CAMTA1: variants seen among roughly 807,000 people sequenced by gnomAD.
The protein encoded by CAMTA1 is calmodulin binding transcription activator 1.
CAMTA1 carries 27 observed loss-of-function variants against 170.9 expected under a neutral mutation model. The observed-to-expected ratio is 0.16, with a 90% CI of 0.12 to 0.22. The LOEUF (loss-of-function observed/expected upper bound fraction) is 0.22. Among genes scored for constraint, CAMTA1 ranks in the 10% least tolerant of loss-of-function variants. The pLI, the probability that CAMTA1 is intolerant of heterozygous loss-of-function variation, is 1.00. For missense variants in CAMTA1, 1,619 were observed against 2,217.2 expected (o/e 0.73, Z 5.42); for synonymous variants, 833 against 891.5 (o/e 0.93, Z 1.17).
intron 3 of CAMTA1, among the ~76,000 whole-genome samples, chr1:7,011,675 C>A (rs6686954): frequency 1 from 151,875 of 152,266 alleles, 75,746 homozygotes; most frequent in Middle Eastern, 1. Flanking sequence ...ATCACAGTTT[C>A]TAGCTATTTT....
intron 4 of CAMTA1, among the ~76,000 whole-genome samples, chr1:7,247,262 A>G (rs1665962184): frequency 6.6e-6 from 1 of 152,246 alleles, no homozygotes; most frequent in African/African-American, 2.4e-5. Flanking sequence ...TCAGAATGCC[A>G]AAGGGCGGGT....
chr1:6,799,112 G>A (rs764088565), intron 1 of CAMTA1, among the ~76,000 whole-genome samples: 3 of 152,038 alleles, frequency 2.0e-5, no homozygotes, highest in Non-Finnish European at 2.9e-5. Flanking sequence ...GTCTTGATCT[G>A]TCACCCAGGC....
rs140410409 is a variant in CAMTA1 at position 7,295,342 on chromosome 1, G to A, written c.438+45716G>A. On this transcript the variant is annotated intron_variant, in intron 5 of 22. Coordinates refer to ENST00000303635, the MANE Select transcript of CAMTA1 (RefSeq NM_015215.4). ...GTGATCTTTCACTCAGTGCCCCGGG[G>A]TTGAGAACTAAACCCCTCTACTCAT... Among the ~76,000 whole-genome samples, 5 of 152,302 alleles carry A rather than the reference G, an allele frequency of 3.3e-5. No individual in the cohort carries two copies. The East Asian group carries it at 7.7e-4, about 24-fold the overall frequency.
intron 3 of CAMTA1, among the ~76,000 whole-genome samples, chr1:6,911,798 CAT>C: frequency 6.6e-6 from 1 of 152,318 alleles, no homozygotes. Context: ...GTGATTCCCT[CAT>C]GTGTTTCCTC....
intron 4 of CAMTA1, among the ~76,000 whole-genome samples, chr1:7,157,109 T>C (rs959009002): frequency 3.3e-5 from 5 of 151,956 alleles, no homozygotes; most frequent in Non-Finnish European, 5.9e-5. Flanking sequence ...TTTGGGAGGC[T>C]GAGGTGGGCA....
At chr1:7,183,143 G>T (rs985796310) in intron 4 of CAMTA1, among the ~76,000 whole-genome samples, 2 of 152,206 alleles carry the variant, frequency 1.3e-5, no homozygotes, top group Admixed American at 6.5e-5. Flanking sequence ...AAGACCTCAG[G>T]AAACTTTTAA....
intron 6 of CAMTA1, among the ~76,000 whole-genome samples, chr1:7,589,173 G>C (rs1303996382): frequency 3.3e-5 from 5 of 152,180 alleles, no homozygotes; most frequent in Non-Finnish European, 5.9e-5. Context: ...ACAGGGTCAG[G>C]GTGTTGTGGT....
At chr1:6,802,774 G>A (rs1322654090) in intron 1 of CAMTA1, among the ~76,000 whole-genome samples, 1 of 150,406 alleles carries the variant, frequency 6.6e-6, no homozygotes, top group South Asian at 2.1e-4. Flanking sequence ...TTATTCTGTC[G>A]CCCAGGCTGG....
chr1:7,601,786 C>T (rs563708689), intron 6 of CAMTA1, among the ~76,000 whole-genome samples: 51 of 152,306 alleles, frequency 3.3e-4, no homozygotes, highest in African/African-American at 8.2e-4. Context: ...CAAAAAAATA[C>T]GAAAACCAGT....
chr1:6,869,258 A>G (rs991075927), intron 3 of CAMTA1, among the ~76,000 whole-genome samples: 1 of 152,212 alleles, frequency 6.6e-6, no homozygotes, highest in African/African-American at 2.4e-5. Context: ...GGGCAGGAAG[A>G]CAGGAGGTTC....
At chr1:6,973,146 C>T (rs1039971714) in intron 3 of CAMTA1, among the ~76,000 whole-genome samples, 2 of 152,236 alleles carry the variant, frequency 1.3e-5, no homozygotes, top group African/African-American at 4.8e-5. Flanking sequence ...GCCACCACGC[C>T]TAGCCGTCTG....
rs1003937078 is a variant in CAMTA1 at position 7,146,254 on chromosome 1, C to T, written c.302+54883C>T. Among the ~76,000 whole-genome samples the T allele has an allele frequency of 1.3e-5, 2 of 152,114 alleles. No homozygotes were observed. The highest frequency in any genetic ancestry group is 2.4e-5 in the African/African-American group (1 of 41,434). On this transcript the variant is annotated intron_variant, in intron 4 of 22. Transcript: ENST00000303635. The surrounding 1 kb of genome is among the most constrained non-coding windows in gnomAD (Gnocchi z 4.3). ...AGCAGGAGCTTGGCAGCCCCTGAAC[C>T]CGGTGCCTGCTCATGAGCCAGTCTC...
intron 3 of CAMTA1, among the ~76,000 whole-genome samples, chr1:6,830,101 A>C (rs1358354394): frequency 6.6e-6 from 1 of 150,558 alleles, no homozygotes; most frequent in Non-Finnish European, 1.5e-5. Context: ...CAGTGGCGCG[A>C]TCTCCGCTCA....
At chr1:7,099,790 T>C (rs1303478258) in intron 4 of CAMTA1, among the ~76,000 whole-genome samples, 2 of 152,188 alleles carry the variant, frequency 1.3e-5, no homozygotes, top group Non-Finnish European at 2.9e-5. Flanking sequence ...TGGCTGCTGG[T>C]GGTCTGGGAG....
intron 12 of CAMTA1, among the ~76,000 whole-genome samples, chr1:7,733,453 C>T (rs1372304418): frequency 6.6e-6 from 1 of 152,150 alleles, no homozygotes; most frequent in Admixed American, 6.5e-5. Flanking sequence ...CTTTCACAAA[C>T]TTTCTGTAAG....
At chr1:6,884,646 C>A (rs551446873) in intron 3 of CAMTA1, among the ~76,000 whole-genome samples, 32 of 152,296 alleles carry the variant, frequency 2.1e-4, no homozygotes, top group African/African-American at 7.7e-4. Context: ...AAATTACCCT[C>A]AAAAATCCTA....
At chr1:7,552,899 G>C (rs2094822277) in intron 6 of CAMTA1, among the ~76,000 whole-genome samples, 1 of 152,180 alleles carries the variant, frequency 6.6e-6, no homozygotes, top group South Asian at 2.1e-4. Context: ...CTCTTACCCT[G>C]TTTCTCTCCT....
chr1:7,452,617 T>C (rs2092853567), intron 5 of CAMTA1, among the ~76,000 whole-genome samples: 1 of 152,240 alleles, frequency 6.6e-6, no homozygotes, highest in Non-Finnish European at 1.5e-5. Flanking sequence ...AATGGAATCA[T>C]ACAATGTGTG....
rs564274427 is a variant in CAMTA1, at chr1:7,680,195, T to G, written c.2914+2462T>G. 3.2e-5 allele frequency: 9 copies of G among 285,372 alleles called. No individual in the cohort carries two copies. Among genetic ancestry groups the G allele is most frequent in the Non-Finnish European group, 6.8e-5 (9 of 132,018 alleles). 17.7% of individuals were successfully genotyped at this position (285,372 alleles called of 1,614,324 possible). ...GCCATGAACTTTGCGTCCGGGCCAA[T>G]GCTGCAGTGGCCGGGCGGTGGTGAG... On this transcript the variant is annotated intron_variant, in intron 11 of 22. Transcript: ENST00000303635. The surrounding 1 kb of genome is among the most constrained non-coding windows in gnomAD (Gnocchi z 4.4).
Sources: allele counts gnomAD v4.1 joint callset (sites outside exome capture counted in the v4.1 genomes callset), GRCh38; gene constraint gnomAD v4.1.1; non-coding constraint Gnocchi (gnomAD v3.1); transcripts MANE v1.5; gene names NCBI Gene and HGNC (gene_info 2026-07-23, HGNC 2026-07-21).